CEPT1: variants seen among roughly 807,000 people sequenced by gnomAD.
CEPT1 encodes the protein choline/ethanolamine phosphotransferase 1.
In CEPT1, 7 loss-of-function variants were observed where a neutral mutation model predicts 42.6. The observed-to-expected ratio is 0.16, with a 90% CI of 0.09 to 0.31. CEPT1 has a LOEUF of 0.31. Ranked by LOEUF, CEPT1 falls within the 10% of genes least tolerant of loss-of-function variation. The pLI is 1.00. For missense variants in CEPT1, 306 were observed against 502.1 expected (o/e 0.61, Z 3.73); for synonymous variants, 171 against 171.9 (o/e 0.99, Z 0.04).
intron 2 of CEPT1, among the ~76,000 whole-genome samples, chr1:111,152,102 G>A (rs1418074055): frequency 1.3e-5 from 2 of 152,164 alleles, no homozygotes; most frequent in Non-Finnish European, 2.9e-5. Flanking sequence ...GCCATTATCA[G>A]AAAGAGTCGT....
At chr1:111,161,746 A>G (rs1557931564) in intron 4 of CEPT1, among the ~76,000 whole-genome samples, 1 of 152,172 alleles carries the variant, frequency 6.6e-6, no homozygotes, top group Non-Finnish European at 1.5e-5. Flanking sequence ...GATTTCACAT[A>G]GTTTATGTTT....
At chr1:111,167,892 C>CT (rs11339361) in intron 4 of CEPT1, 18,463 of 507,772 alleles carry the variant, frequency 0.036, 2 homozygotes, top group Non-Finnish European at 0.042. Flanking sequence ...TATCTTTTTC[C>CT]TTTTTTTTTT....
intron 1 of CEPT1, among the ~76,000 whole-genome samples, chr1:111,141,125 A>T (rs1230881379): frequency 6.6e-6 from 1 of 152,246 alleles, no homozygotes; most frequent in Non-Finnish European, 1.5e-5. Context: ...TCTTTCAACA[A>T]ATGTTAGTGT....
At chr1:111,179,917 CAT>C (rs1439495209) in intron 5 of CEPT1, 7 of 152,154 alleles carry the variant, frequency 4.6e-5, no homozygotes, top group South Asian at 2.1e-4. Context: ...ATATAGCTAA[CAT>C]ATATGACAAA....
chr1:111,158,063 T>C (rs2580040), intron 2 of CEPT1, among the ~76,000 whole-genome samples: 66,971 of 152,092 alleles, frequency 0.44, 15,545 homozygotes, highest in African/African-American at 0.6. Flanking sequence ...AATACCAGGC[T>C]GGGTGCGTTG....
intron 2 of CEPT1, among the ~76,000 whole-genome samples, chr1:111,158,980 C>T (rs1377801512): frequency 8.3e-6 from 1 of 120,636 alleles, no homozygotes; most frequent in Non-Finnish European, 1.6e-5. Context: ...GTGGCGCAAT[C>T]TCGGCTCACT....
chr1:111,172,293 A>G (rs542481702), intron 4 of CEPT1, among the ~76,000 whole-genome samples: 2 of 152,126 alleles, frequency 1.3e-5, no homozygotes, highest in African/African-American at 2.4e-5. Flanking sequence ...TTGGTGTGGT[A>G]GTAGTGGTCA....
intron 6 of CEPT1, 67 bp from the exon 7 acceptor site, chr1:111,182,732 T>TGCA (rs1367984850): frequency 7.1e-7 from 1 of 1,399,440 alleles, no homozygotes; most frequent in East Asian, 2.4e-5. Flanking sequence ...TGAACTGTTC[T>TGCA]GCAGCAGATC....
At chr1:111,145,049 T>C (rs985845330) in intron 1 of CEPT1, among the ~76,000 whole-genome samples, 80 of 152,124 alleles carry the variant, frequency 5.3e-4, no homozygotes, top group African/African-American at 1.9e-3. Context: ...AGAGTCTCGC[T>C]TTGTCACTCA....
intron 4 of CEPT1, among the ~76,000 whole-genome samples, chr1:111,165,259 A>G (rs1437278222): frequency 1.3e-5 from 2 of 151,636 alleles, no homozygotes; most frequent in Non-Finnish European, 2.9e-5. Context: ...CGTGTTAGCC[A>G]GGATGGTCTC....
In CEPT1 at chr1:111,147,618, TTTTTA is replaced by T. The variant is rs1233203875; in HGVS notation, c.-73-9_-73-5del. Reference sequence around the variant, plus strand: ...AGTGGCCAACAAGTGTATTTTTTAATTTTTATTTTATTTTATTTTTTAGGTAAGCA... The same window carrying T: ...AGTGGCCAACAAGTGTATTTTTTAATTTTTATTTTATTTTTTAGGTAAGCA... On this transcript the variant is annotated intron_variant, in intron 1 of 8. Coordinates refer to ENST00000357172, the MANE Select transcript of CEPT1 (RefSeq NM_006090.5). The T allele has an allele frequency of 2.9e-5, 24 of 815,162 alleles. No individual in the cohort carries two copies. The Middle Eastern group carries it at 1.5e-3, about 52-fold the overall frequency. 50.5% of individuals were successfully genotyped at this position (815,162 alleles called of 1,614,324 possible).
rs2101239365 is a variant in CEPT1 at position 111,147,987 on chromosome 1, T to C, written c.273T>C (p.Ile91=). Residue 91 remains isoleucine, a synonymous_variant, in exon 2 of 9, where the codon ATT becomes ATC. Coordinates refer to ENST00000357172, the MANE Select transcript of CEPT1 (RefSeq NM_006090.5). ...TTGCCCCAAATCTCATCACCATCAT[T>C]GGACTGTCAATAAACATCTGTACAA... The part of the protein sequence containing the change: ...SWIAPNLITI[I]GLSINICTTI... The C allele has an allele frequency of 6.2e-7, 1 of 1,614,168 alleles. No individual in the cohort carries two copies.
intron 4 of CEPT1, among the ~76,000 whole-genome samples, chr1:111,171,059 A>G (rs1656390029): frequency 6.6e-6 from 1 of 152,212 alleles, no homozygotes; most frequent in South Asian, 2.1e-4. Context: ...GAAAGACATT[A>G]AAAATTTGTG....
chr1:111,160,135 A>G (rs1371444126), intron 3 of CEPT1: 2 of 152,240 alleles, frequency 1.3e-5, no homozygotes, highest in Non-Finnish European at 2.9e-5. Context: ...AATTTTTAAA[A>G]GAAACACTAA....
rs116985510 is a variant in CEPT1 at position 111,150,451 on chromosome 1, A to G, written c.339+2398A>G. 1.2e-4 allele frequency among the ~76,000 whole-genome samples: 19 copies of G among 152,272 alleles called. 1 individual carries two copies. In the East Asian group the frequency reaches 3.7e-3, roughly 29 times the overall value. On this transcript the variant is annotated intron_variant, in intron 2 of 8. Coordinates refer to ENST00000357172, the MANE Select transcript of CEPT1 (RefSeq NM_006090.5). ...AATATTTCCAGTTACAAATTCATCT[A>G]AGTCCTTATTTCTTTTATATTTTTC... is the stretch of plus-strand genomic sequence containing the variant.
At chr1:111,175,253 T>A (rs1656619640) in intron 5 of CEPT1, among the ~76,000 whole-genome samples, 1 of 152,174 alleles carries the variant, frequency 6.6e-6, no homozygotes, top group Non-Finnish European at 1.5e-5. Flanking sequence ...AGTTAACCAG[T>A]GACAAGATTA....
chr1:111,174,855 T>C, intron 4 of CEPT1, 24 bp from the exon 5 acceptor site: 1 of 1,470,124 alleles, frequency 6.8e-7, no homozygotes, highest in Non-Finnish European at 9.5e-7. Flanking sequence ...AATTCTGCTC[T>C]TTTGGCTTTT....
rs1487531557 is a variant in CEPT1 at position 111,182,853 on chromosome 1, G to T, written c.901G>T (p.Ala301Ser). Reference protein sequence around the residue: ...LHIGSVITLAAMIYKKSAVQL... With the variant: ...LHIGSVITLASMIYKKSAVQL... ...TATTGGATCAGTGATTACATTAGCT[G>T]CAATGATCTACAAGAAATCTGCAGT... Residue 301 changes from alanine to serine, a missense_variant, in exon 7 of 9, where the codon GCA becomes TCA. This residue lies in a region of CEPT1 where 253 missense variants were observed against 447.3 expected (regional missense o/e 0.57). Transcript: ENST00000357172. 1 of 1,613,408 alleles carries T rather than the reference G, an allele frequency of 6.2e-7. No individual in the cohort carries two copies. Among genetic ancestry groups the T allele is most frequent in the South Asian group, 1.1e-5 (1 of 91,070 alleles).
At chr1:111,143,562 T>C (rs1654784912) in intron 1 of CEPT1, 1 of 152,226 alleles carries the variant, frequency 6.6e-6, no homozygotes, top group Non-Finnish European at 1.5e-5. Flanking sequence ...TATTTTCTTA[T>C]AACTGTTAAG....
Sources: allele counts gnomAD v4.1 joint callset (sites outside exome capture counted in the v4.1 genomes callset), GRCh38; gene constraint gnomAD v4.1.1; regional missense constraint gnomAD v4.1.1; transcripts MANE v1.5; gene names NCBI Gene and HGNC (gene_info 2026-07-23, HGNC 2026-07-21).